The following BRI3BP variants were observed in gnomAD, a reference collection of about 807,000 sequenced individuals.
BRI3BP encodes the protein BRI3 binding protein, also known as BRI3-binding protein.
Under a neutral mutation model 15.8 loss-of-function variants are expected in BRI3BP, and 7 were observed. The observed-to-expected ratio is 0.44, with a 90% confidence interval of 0.25 to 0.83. The LOEUF is 0.83. Ranked by LOEUF, BRI3BP falls within the 40% of genes least tolerant of loss-of-function variation. BRI3BP has a pLI of 0.20. For synonymous variants in BRI3BP, 192 were observed against 163.5 expected (o/e 1.17, Z -1.33); for missense variants, 320 against 339.3 (o/e 0.94, Z 0.45).
At chr12:125,011,314 T>C (rs1955195182) in intron 1 of BRI3BP, among the ~76,000 whole-genome samples, 1 of 152,160 alleles carries the variant, frequency 6.6e-6, no homozygotes, top group Admixed American at 6.6e-5. Flanking sequence ...CATCAATTAG[T>C]ATCAAGTTCA....
At chr12:125,002,461 G>GT (rs773663060) in intron 1 of BRI3BP, among the ~76,000 whole-genome samples, 9,434 of 123,974 alleles carry the variant, frequency 0.076, 357 homozygotes, top group East Asian at 0.099. Context: ...TTTTTGTTTT[G>GT]TTTTTTTTTT....
intron 1 of BRI3BP, among the ~76,000 whole-genome samples, chr12:124,996,876 A>G (rs941884816): frequency 6.7e-6 from 1 of 150,160 alleles, no homozygotes; most frequent in African/African-American, 2.5e-5. Context: ...CTCCTGCCTC[A>G]GCCCCCTGAG....
chr12:125,037,135 C>T, the BRI3BP span, among the ~76,000 whole-genome samples: 1 of 152,236 alleles, frequency 6.6e-6, no homozygotes, highest in South Asian at 2.1e-4. Context: ...TCTTTGCTCA[C>T]TGCAACCCCT....
At chr12:125,000,974 A>C (rs1955086494) in intron 1 of BRI3BP, among the ~76,000 whole-genome samples, 1 of 152,220 alleles carries the variant, frequency 6.6e-6, no homozygotes, top group African/African-American at 2.4e-5. Context: ...AGGACTGCTC[A>C]TGCATTTAGT....
Position 125,009,785 on chromosome 12 carries a change from G to A in BRI3BP, c.214-2749G>A, listed in dbSNP as rs1299824829. 2.6e-5 allele frequency among the ~76,000 whole-genome samples: 4 copies of A among 152,210 alleles called. No individual in the cohort carries two copies. In the East Asian group the frequency reaches 7.7e-4, roughly 29 times the overall value. On this transcript the variant is annotated intron_variant, in intron 1 of 2. Coordinates refer to ENST00000341446, the MANE Select transcript of BRI3BP (RefSeq NM_080626.6). ...AATGTTGGTGTCCTCACAGGACATC[G>A]TGGAGTCAATACTTCTGTTAGAATA...
intron 1 of BRI3BP, among the ~76,000 whole-genome samples, chr12:125,006,733 A>C (rs1226329582): frequency 6.6e-6 from 1 of 152,212 alleles, no homozygotes; most frequent in African/African-American, 2.4e-5. Flanking sequence ...CTCCCACAGC[A>C]GAGAAAACTG....
rs1955356337 is a variant in BRI3BP at position 125,026,612 on chromosome 12, CAG to C, written c.*1183_*1184del. 1 of 151,962 alleles carries C rather than the reference CAG, an allele frequency of 6.6e-6. No individual in the cohort carries two copies. The highest frequency in any genetic ancestry group is 2.4e-5 in the African/African-American group (1 of 41,342). The allele number at this position is 151,962 out of a possible 1,614,324, so 9.4% of individuals were successfully genotyped here. A position where few individuals can be genotyped will look rare whatever the true frequency, so the allele number is the denominator to read the frequency against. On this transcript the variant is annotated 3_prime_UTR_variant, in exon 3 of 3. Coordinates refer to ENST00000341446, the MANE Select transcript of BRI3BP (RefSeq NM_080626.6). ...CAAGGGAGTTTCAGAAGGTGTGGCT[CAG>C]GGGCTGGTAGAAACCCCCTTTTGTT...
chr12:125,045,873 G>T, the BRI3BP span, among the ~76,000 whole-genome samples: 1 of 152,088 alleles, frequency 6.6e-6, no homozygotes, highest in Non-Finnish European at 1.5e-5. Context: ...TCATTAAAAA[G>T]AGCTGATTTG....
intron 1 of BRI3BP, among the ~76,000 whole-genome samples, chr12:124,995,844 G>A (rs1955036146): frequency 2.0e-5 from 3 of 152,174 alleles, no homozygotes; most frequent in African/African-American, 7.2e-5. Flanking sequence ...TCTCTCGCCT[G>A]TTTTCCTGCT....
At chr12:125,042,569 C>G in the BRI3BP span, among the ~76,000 whole-genome samples, 1 of 150,902 alleles carries the variant, frequency 6.6e-6, no homozygotes, top group Admixed American at 6.6e-5. Context: ...CTCACTCACT[C>G]TGTTGCACAG....
chr12:125,039,155 C>T, the BRI3BP span, among the ~76,000 whole-genome samples: 4 of 152,164 alleles, frequency 2.6e-5, no homozygotes, highest in African/African-American at 9.7e-5. Context: ...AAGTGACCTG[C>T]ACAAAATGGA....
In BRI3BP at chr12:124,993,758, C is replaced by G; in HGVS notation, c.-33C>G. The G allele has an allele frequency of 2.0e-6, 2 of 995,426 alleles. No individual in the cohort carries two copies. Among genetic ancestry groups the G allele is most frequent in the Non-Finnish European group, 1.2e-6 (1 of 837,364 alleles). The allele number at this position is 995,426 out of a possible 1,614,324, so 61.7% of individuals were successfully genotyped here. The stretch of plus-strand genomic sequence containing the variant: ...TGCGGCCCAGCGCACGGCCCTCACC[C>G]CGCATCGCGACCCCGCGCCCCGCCG... On this transcript the variant is annotated 5_prime_UTR_variant, in exon 1 of 3. Coordinates refer to ENST00000341446, the MANE Select transcript of BRI3BP (RefSeq NM_080626.6).
intron 2 of BRI3BP, among the ~76,000 whole-genome samples, chr12:125,016,206 A>C (rs983036401): frequency 4.6e-5 from 7 of 152,168 alleles, no homozygotes; most frequent in African/African-American, 1.7e-4. Flanking sequence ...TTGATGCGTA[A>C]GCTTCAAGGC....
At chr12:125,043,628 G>A in the BRI3BP span, among the ~76,000 whole-genome samples, 2 of 151,870 alleles carry the variant, frequency 1.3e-5, no homozygotes, top group African/African-American at 4.8e-5. Context: ...AGGCCGAGGT[G>A]GGCCAATCAC....
chr12:125,006,917 A>T (rs1327621022), intron 1 of BRI3BP, among the ~76,000 whole-genome samples: 4 of 152,116 alleles, frequency 2.6e-5, no homozygotes, highest in Non-Finnish European at 4.4e-5. Context: ...GCTATATATT[A>T]TCTGGGCGCG....
At chr12:125,010,161 C>G (rs559121858) in intron 1 of BRI3BP, among the ~76,000 whole-genome samples, 2 of 152,148 alleles carry the variant, frequency 1.3e-5, no homozygotes, top group South Asian at 4.2e-4. Context: ...TGAACACTTA[C>G]CATGTGCTCA....
At position 124,998,088 on chromosome 12, in the gene BRI3BP, C is replaced by T. The variant is rs536924699; in HGVS notation, c.213+4085C>T. Among the ~76,000 whole-genome samples the T allele has an allele frequency of 3.4e-5, 5 of 148,776 alleles. No individual in the cohort carries two copies. In the South Asian group the frequency reaches 1.1e-3, roughly 32 times the overall value. On this transcript the variant is annotated intron_variant, in intron 1 of 2. Transcript: ENST00000341446. Reference sequence around the variant, plus strand: ...GCAGTGAGCCAAGATTGCACCGTTGCGCGCGCCAGCCTGGGCAACGAGTGA... The same window carrying T: ...GCAGTGAGCCAAGATTGCACCGTTGTGCGCGCCAGCCTGGGCAACGAGTGA...
intron 2 of BRI3BP, among the ~76,000 whole-genome samples, chr12:125,020,708 G>A (rs1423230553): frequency 6.6e-6 from 1 of 152,096 alleles, no homozygotes; most frequent in African/African-American, 2.4e-5. Flanking sequence ...AACACAGTGA[G>A]ACCCTGTATC....
chr12:125,004,052 G>C (rs1460353350), intron 1 of BRI3BP, among the ~76,000 whole-genome samples: 1 of 151,630 alleles, frequency 6.6e-6, no homozygotes, highest in Non-Finnish European at 1.5e-5. Flanking sequence ...AACATCTAAT[G>C]CAGGTCCATT....
Sources: gnomAD v4.1 joint callset for allele counts (sites outside exome capture counted in the v4.1 genomes callset) on GRCh38, gnomAD v4.1.1 for gene constraint, MANE v1.5 for transcripts, NCBI Gene and HGNC (gene_info 2026-07-23, HGNC 2026-07-21) for gene names.